SF3A3: variants seen among roughly 807,000 people sequenced by gnomAD.
SF3A3 encodes the protein SAP 61.
SF3A3 carries 9 observed loss-of-function variants against 85.8 expected under a neutral mutation model. The observed-to-expected ratio is 0.10, with a 90% CI of 0.06 to 0.18. The LOEUF (loss-of-function observed/expected upper bound fraction) is 0.18, where lower values mean the gene tolerates loss of function less well. Ranked by LOEUF, SF3A3 falls within the 10% of genes least tolerant of loss-of-function variation. The pLI is 1.00. For missense variants in SF3A3, 306 were observed against 593.3 expected (o/e 0.52, Z 5.03); for synonymous variants, 195 against 204.4 (o/e 0.95, Z 0.39).
intron 4 of SF3A3, among the ~76,000 whole-genome samples, chr1:37,986,647 TA>T (rs1646459253): frequency 6.6e-6 from 1 of 151,398 alleles, no homozygotes; most frequent in South Asian, 2.1e-4. Flanking sequence ...CTGTCTCAAC[TA>T]AAAAATACAT....
intron 2 of SF3A3, among the ~76,000 whole-genome samples, chr1:37,989,321 AG>A (rs913691422): frequency 1.3e-5 from 2 of 151,260 alleles, no homozygotes; most frequent in African/African-American, 4.9e-5. Context: ...AAAAAAAAAA[AG>A]GGCACCTTTC....
intron 13 of SF3A3, 49 bp downstream of exon 13, chr1:37,969,520 ATC>A: frequency 6.2e-7 from 1 of 1,613,804 alleles, no homozygotes; most frequent in Non-Finnish European, 8.5e-7. Flanking sequence ...TAAACTCTGT[ATC>A]TGTTTCCAAA....
chr1:37,960,774 C>T (rs1251828828), intron 15 of SF3A3: 1 of 152,022 alleles, frequency 6.6e-6, no homozygotes, highest in Non-Finnish European at 1.5e-5. Context: ...CCTCAGCCTC[C>T]CGAGTAGCTG....
chr1:37,989,473 A>G, intron 2 of SF3A3, 75 bp downstream of exon 2: 1 of 1,518,958 alleles, frequency 6.6e-7, no homozygotes, highest in South Asian at 1.2e-5. Flanking sequence ...ACTCATGCTG[A>G]GACACCGCAC....
chr1:37,981,647 C>T, intron 7 of SF3A3, 82 bp downstream of exon 7: 1 of 883,374 alleles, frequency 1.1e-6, no homozygotes, highest in Non-Finnish European at 1.9e-6. Context: ...TTCCAGGCAA[C>T]AAATTCAGAA....
rs1461022623 is a variant in SF3A3 at position 37,957,740 on chromosome 1, T to C, written c.*446A>G. 1 of 156,460 alleles carries C rather than the reference T, an allele frequency of 6.4e-6. No homozygotes were observed. Among genetic ancestry groups the C allele is most frequent in the African/African-American group, 2.4e-5 (1 of 41,508 alleles). 9.7% of individuals were successfully genotyped at this position (156,460 alleles called of 1,614,324 possible). A position where few individuals can be genotyped will look rare whatever the true frequency, so the allele number is the denominator to read the frequency against. On this transcript the variant is annotated 3_prime_UTR_variant, in exon 17 of 17. Coordinates refer to ENST00000373019, the MANE Select transcript of SF3A3 (RefSeq NM_006802.4). ...AGTCTTTCCCTAGTATTTGCATCAA[T>C]GGCTAACTAAGCTGATGGCAGACCT... is the stretch of plus-strand genomic sequence containing the variant.
Position 37,957,859 on chromosome 1 carries a change from T to C in SF3A3, c.*327A>G. ...TTACCTAACATGATATGTAGCATAA[T>C]AGGTGCCCATTAAATCTCAGCTACT... On this transcript the variant is annotated 3_prime_UTR_variant, in exon 17 of 17. Coordinates refer to ENST00000373019, the MANE Select transcript of SF3A3 (RefSeq NM_006802.4). The C allele has an allele frequency of 3.9e-6, 1 of 253,766 alleles. No homozygotes were observed. The highest frequency in any genetic ancestry group is 7.5e-6 in the Non-Finnish European group (1 of 132,798). The allele number at this position is 253,766 out of a possible 1,614,324, so 15.7% of individuals were successfully genotyped here.
chr1:37,963,822 C>T (rs1323975919), intron 15 of SF3A3, among the ~76,000 whole-genome samples: 1 of 134,076 alleles, frequency 7.5e-6, no homozygotes, highest in Non-Finnish European at 1.5e-5. Context: ...TCCCAAAGTG[C>T]TGGGATTACA....
intron 11 of SF3A3, 21 bp from the exon 12 acceptor site, chr1:37,976,974 G>A: frequency 6.4e-7 from 1 of 1,568,226 alleles, no homozygotes; most frequent in Non-Finnish European, 8.8e-7. Context: ...GAAACAAGCT[G>A]TTTCACTCAA....
At chr1:37,979,128 G>T in intron 9 of SF3A3, 73 bp from the exon 10 acceptor site, 1 of 1,246,772 alleles carries the variant, frequency 8.0e-7, no homozygotes, top group Non-Finnish European at 1.2e-6. Context: ...AGGCCAGAGG[G>T]TGGGTGTTCC....
chr1:37,989,453 T>C (rs769652448), intron 2 of SF3A3, 95 bp downstream of exon 2: 54 of 1,378,554 alleles, frequency 3.9e-5, no homozygotes, highest in Non-Finnish European at 3.8e-5. Flanking sequence ...CCGGTTACCT[T>C]TGGCCAGGGA....
intron 4 of SF3A3, among the ~76,000 whole-genome samples, chr1:37,986,859 G>A (rs1646461238): frequency 6.7e-6 from 1 of 148,888 alleles, no homozygotes; most frequent in African/African-American, 2.5e-5. Flanking sequence ...CAATTTATTG[G>A]GGAGAGTAAT....
intron 14 of SF3A3, 122 bp downstream of exon 14, chr1:37,969,232 T>C (rs1646322588): frequency 2.8e-6 from 2 of 704,496 alleles, no homozygotes; most frequent in South Asian, 1.8e-5. Context: ...TTTAAAACCA[T>C]CCTTCTCTGA....
intron 6 of SF3A3, among the ~76,000 whole-genome samples, chr1:37,982,626 C>G (rs1037557194): frequency 3.3e-5 from 5 of 152,154 alleles, no homozygotes; most frequent in Non-Finnish European, 5.9e-5. Context: ...CCTGCCTTGG[C>G]CTCCCAAAGT....
intron 8 of SF3A3, 145 bp downstream of exon 8, chr1:37,980,441 A>G: frequency 2.5e-6 from 2 of 815,232 alleles, no homozygotes; most frequent in Non-Finnish European, 1.8e-6. Context: ...AAAAAAACAT[A>G]GCATACTTGG....
chr1:37,984,092 T>C lies in SF3A3; in HGVS notation c.468+77A>G, dbSNP rs952404789. On this transcript the variant is annotated intron_variant, in intron 6 of 16. Coordinates refer to ENST00000373019, the MANE Select transcript of SF3A3 (RefSeq NM_006802.4). ...ACAAGGAAGACACTTTACAATGGCT[T>C]CATGTCTGCTAGTTCCAGCCTACTG... 11 of 717,174 alleles carry C rather than the reference T, an allele frequency of 1.5e-5. No homozygotes were observed. In the African/African-American group the frequency reaches 1.7e-4, roughly 11 times the overall value. The allele number at this position is 717,174 out of a possible 1,614,324, so 44.4% of individuals were successfully genotyped here.
rs371317065 is a variant in SF3A3 at position 37,983,586 on chromosome 1, CAAA to C, written c.468+580_468+582del. Among the ~76,000 whole-genome samples, 225 of 38,470 alleles carry C rather than the reference CAAA, an allele frequency of 5.8e-3. 2 individuals are homozygous for C. Among genetic ancestry groups the C allele is most frequent in the East Asian group, 0.019 (7 of 364 alleles). 25.2% of individuals were successfully genotyped at this position (38,470 alleles called of 152,430 possible). A position where few individuals can be genotyped will look rare whatever the true frequency, so the allele number is the denominator to read the frequency against. On this transcript the variant is annotated intron_variant, in intron 6 of 16. Coordinates refer to ENST00000373019, the MANE Select transcript of SF3A3 (RefSeq NM_006802.4). ...TGGGTGACAAAGTGAGACCCTGTCT[CAAA>C]AAAAAAAAAAAAAAAAAAAGATTTA...
intron 15 of SF3A3, among the ~76,000 whole-genome samples, chr1:37,961,244 T>C (rs1368229261): frequency 6.6e-6 from 1 of 152,168 alleles, no homozygotes; most frequent in Non-Finnish European, 1.5e-5. Context: ...ACCTGGCACA[T>C]AGGTGCTCAA....
intron 16 of SF3A3, among the ~76,000 whole-genome samples, chr1:37,959,876 G>A (rs1646245022): frequency 6.7e-6 from 1 of 150,114 alleles, no homozygotes; most frequent in South Asian, 2.1e-4. Flanking sequence ...GAGAATTGCT[G>A]GAACCCAGGA....
Sources: gnomAD v4.1 joint callset for allele counts (sites outside exome capture counted in the v4.1 genomes callset) on GRCh38, gnomAD v4.1.1 for gene constraint, MANE v1.5 for transcripts, NCBI Gene and HGNC (gene_info 2026-07-23, HGNC 2026-07-21) for gene names.